Variants in RIC8B observed in about 807,000 individuals in gnomAD.
RIC8B encodes RIC8 guanine nucleotide exchange factor B.
Under a neutral mutation model 57.5 loss-of-function variants are expected in RIC8B, and 16 were observed. The ratio of observed to expected loss-of-function variants is 0.28; its 90% CI spans 0.19 to 0.42. The LOEUF is 0.42. Ranked by LOEUF, RIC8B falls within the 10% of genes least tolerant of loss-of-function variation. The probability of loss-of-function intolerance (pLI) is 1.00; values close to 1 mark genes in which losing one functional copy is unlikely to be tolerated. For missense variants in RIC8B, 481 were observed against 677.0 expected (o/e 0.71, Z 3.21); for synonymous variants, 216 against 250.8 (o/e 0.86, Z 1.31).
At chr12:106,820,336 G>C (rs2045783310) in intron 3 of RIC8B, among the ~76,000 whole-genome samples, 1 of 152,192 alleles carries the variant, frequency 6.6e-6, no homozygotes, top group Admixed American at 6.5e-5. Flanking sequence ...CATTCAGTGG[G>C]AAATGTAGCT....
chr12:106,794,229 C>T (rs2044377185), intron 2 of RIC8B, among the ~76,000 whole-genome samples: 1 of 151,908 alleles, frequency 6.6e-6, no homozygotes, highest in African/African-American at 2.4e-5. Flanking sequence ...AATAAGCAAA[C>T]CTGAAGACAC....
intron 6 of RIC8B, among the ~76,000 whole-genome samples, chr12:106,847,351 A>G (rs1449809655): frequency 1.3e-5 from 2 of 152,232 alleles, no homozygotes; most frequent in African/African-American, 2.4e-5. Flanking sequence ...AAATTTTTAC[A>G]TGATAACCTT....
At chr12:106,847,143 A>G (rs926289052) in intron 6 of RIC8B, among the ~76,000 whole-genome samples, 4 of 152,190 alleles carry the variant, frequency 2.6e-5, no homozygotes, top group Admixed American at 2.6e-4. Context: ...CCCAGGTTGT[A>G]TTATTCTGGA....
In RIC8B at chr12:106,843,849, TAGGG is replaced by T; in HGVS notation, c.1066-1_1068del. 1 of 1,590,192 alleles carries T rather than the reference TAGGG, an allele frequency of 6.3e-7. No homozygotes were observed. On this transcript the variant is annotated splice_acceptor_variant and coding_sequence_variant, in exon 6 of 10. Transcript: ENST00000392837. LOFTEE classifies it high-confidence loss of function. ...CAAAAACATATGGTTTTTTTTTTTA[TAGGG>T]AAGCAGCTATAGAGAGGGTCTAACT...
intron 7 of RIC8B, among the ~76,000 whole-genome samples, chr12:106,852,004 A>G (rs1949496898): frequency 6.6e-6 from 1 of 152,172 alleles, no homozygotes; most frequent in Non-Finnish European, 1.5e-5. Context: ...TGGTTTCTTT[A>G]CTACGTTTTC....
intron 3 of RIC8B, chr12:106,823,550 A>G (rs2045952131): frequency 4.9e-6 from 2 of 409,996 alleles, no homozygotes. Flanking sequence ...AAAGATTATT[A>G]TATCTAAAAT....
intron 8 of RIC8B, among the ~76,000 whole-genome samples, chr12:106,861,917 T>A (rs941529874): frequency 6.6e-6 from 1 of 152,160 alleles, no homozygotes; most frequent in African/African-American, 2.4e-5. Flanking sequence ...TCTTTGTATC[T>A]CAATATGTAT....
intron 2 of RIC8B, among the ~76,000 whole-genome samples, chr12:106,784,312 T>TACTC (rs1303440309): frequency 6.6e-6 from 1 of 152,206 alleles, no homozygotes; most frequent in Non-Finnish European, 1.5e-5. Context: ...TTCCCAGATC[T>TACTC]ACTCACTCCC....
chr12:106,802,352 C>T (rs888391269), intron 2 of RIC8B, among the ~76,000 whole-genome samples: 24 of 152,182 alleles, frequency 1.6e-4, no homozygotes, highest in East Asian at 3.9e-4. Flanking sequence ...GGGTCTATCC[C>T]GTCACTATAG....
intron 8 of RIC8B, among the ~76,000 whole-genome samples, chr12:106,861,728 T>C (rs1949943717): frequency 6.6e-6 from 1 of 152,126 alleles, no homozygotes; most frequent in South Asian, 2.1e-4. Context: ...CTATAAACTA[T>C]ATTTCCTTAT....
intron 3 of RIC8B, among the ~76,000 whole-genome samples, chr12:106,823,678 G>C (rs2045958941): frequency 6.6e-6 from 1 of 151,692 alleles, no homozygotes; most frequent in South Asian, 2.1e-4. Flanking sequence ...TTTAACATAT[G>C]AGATAATTTT....
At chr12:106,804,337 C>A (rs1326420157) in intron 2 of RIC8B, among the ~76,000 whole-genome samples, 1 of 152,042 alleles carries the variant, frequency 6.6e-6, no homozygotes, top group Non-Finnish European at 1.5e-5. Context: ...GCCCCAGCCT[C>A]ATGAGTGGCT....
intron 3 of RIC8B, chr12:106,823,301 G>A (rs918600333): frequency 3.0e-6 from 1 of 336,758 alleles, no homozygotes. Flanking sequence ...AGGAACCAGC[G>A]ATGCAAAGAG....
chr12:106,783,756 T>C (rs1015115668), intron 1 of RIC8B, among the ~76,000 whole-genome samples: 3 of 152,220 alleles, frequency 2.0e-5, no homozygotes, highest in African/African-American at 7.2e-5. Flanking sequence ...CATTCCGGAT[T>C]TTCCTGGGCA....
rs911054281 is a variant in RIC8B, at chr12:106,879,153, C to G, written c.1572-6751C>G. ...AAATTCGAAGGGACTCTTGGGAGATCTGCAAGTGGGAAACAAGAATGCATT... is the reference window on the plus strand; with the variant it reads ...AAATTCGAAGGGACTCTTGGGAGATGTGCAAGTGGGAAACAAGAATGCATT... On this transcript the variant is annotated intron_variant, in intron 9 of 9. Transcript: ENST00000392837. The surrounding 1 kb of genome is among the most constrained non-coding windows in gnomAD (Gnocchi z 4.9). The G allele has an allele frequency of 1.2e-5, 12 of 985,708 alleles. No individual in the cohort carries two copies. In the African/African-American group the frequency reaches 1.9e-4, roughly 16 times the overall value. The allele number at this position is 985,708 out of a possible 1,614,324, so 61.1% of individuals were successfully genotyped here.
intron 8 of RIC8B, among the ~76,000 whole-genome samples, chr12:106,862,618 G>C (rs1057278533): frequency 2.6e-5 from 4 of 152,112 alleles, no homozygotes; most frequent in African/African-American, 9.7e-5. Context: ...GAGTTCCCAA[G>C]ATCTCAGTCT....
chr12:106,839,681 C>T lies in RIC8B; in HGVS notation c.837-2908C>T, dbSNP rs559192841. Among the ~76,000 whole-genome samples, 13 of 152,248 alleles carry T rather than the reference C, an allele frequency of 8.5e-5. No homozygotes were observed. The South Asian group carries it at 2.7e-3, about 32-fold the overall frequency. On this transcript the variant is annotated intron_variant, in intron 4 of 9. Coordinates refer to ENST00000392837, the MANE Select transcript of RIC8B (RefSeq NM_001330145.2). ...AATGTTGCTAAGGGAATAGGTCTTA[C>T]GTTAAGTGCTCTTACCACAAAAGAA...
At chr12:106,861,145 GTTAT>G (rs1949915109) in intron 8 of RIC8B, among the ~76,000 whole-genome samples, 2 of 151,970 alleles carry the variant, frequency 1.3e-5, no homozygotes, top group South Asian at 4.1e-4. Flanking sequence ...CTTATTAGGA[GTTAT>G]TTGAGCTATG....
chr12:106,873,070 AT>A, intron 9 of RIC8B: 1 of 985,432 alleles, frequency 1.0e-6, no homozygotes, highest in Non-Finnish European at 1.2e-6. Context: ...ACAAATAAAT[AT>A]ACAAACGTCA....
Sources: gnomAD v4.1 joint callset for allele counts (sites outside exome capture counted in the v4.1 genomes callset) on GRCh38, gnomAD v4.1.1 for gene constraint, Gnocchi (gnomAD v3.1) non-coding constraint, MANE v1.5 for transcripts, NCBI Gene and HGNC (gene_info 2026-07-23, HGNC 2026-07-21) for gene names.